Variants in CDIN1 observed in about 807,000 individuals in gnomAD.
CDIN1 encodes CDAN1 interacting nuclease 1, also known as CDAN1-interacting nuclease 1.
A neutral mutation model predicts 45.3 loss-of-function variants in CDIN1; 33 were observed. That is an observed-to-expected ratio of 0.73 (90% CI 0.55 to 0.97). The LOEUF (loss-of-function observed/expected upper bound fraction) is 0.97. Among genes scored for constraint, CDIN1 ranks in the 50% least tolerant of loss-of-function variants. CDIN1 has a pLI of 0.00. For synonymous variants in CDIN1, 118 were observed against 124.4 expected (o/e 0.95, Z 0.34); for missense variants, 303 against 339.4 (o/e 0.89, Z 0.84).
intron 1 of CDIN1, among the ~76,000 whole-genome samples, chr15:36,586,191 A>AGTT (rs2037289651): frequency 1.1e-5 from 1 of 90,810 alleles, no homozygotes; most frequent in South Asian, 3.6e-4. Context: ...TTTACCTTTG[A>AGTT]GTTTTTTTTT....
intron 10 of CDIN1, among the ~76,000 whole-genome samples, chr15:36,747,602 A>G (rs899271062): frequency 2.0e-5 from 3 of 152,230 alleles, no homozygotes; most frequent in African/African-American, 7.2e-5. Context: ...TCATGAGTGA[A>G]GAAACCAAGG....
intron 10 of CDIN1, among the ~76,000 whole-genome samples, chr15:36,711,364 C>G (rs969034861): frequency 6.6e-6 from 1 of 152,148 alleles, no homozygotes; most frequent in Non-Finnish European, 1.5e-5. Context: ...ATCCCAAATA[C>G]TAGAGCTTAC....
intron 8 of CDIN1, among the ~76,000 whole-genome samples, chr15:36,697,917 C>T (rs1411989881): frequency 6.6e-6 from 1 of 152,086 alleles, no homozygotes; most frequent in Non-Finnish European, 1.5e-5. Flanking sequence ...CAGATTATTT[C>T]TTTCAACATC....
At chr15:36,785,550 A>G (rs1309746399) in intron 10 of CDIN1, among the ~76,000 whole-genome samples, 1 of 152,204 alleles carries the variant, frequency 6.6e-6, no homozygotes, top group Non-Finnish European at 1.5e-5. Flanking sequence ...ACACATTCAC[A>G]TACACACCTT....
intron 10 of CDIN1, chr15:36,756,178 G>A (rs1054172477): frequency 4.0e-5 from 18 of 454,990 alleles, no homozygotes; most frequent in Admixed American, 1.2e-4. Flanking sequence ...TAGTTGAAGA[G>A]AACTGTAATT....
At chr15:36,741,325 C>T (rs756687466) in intron 10 of CDIN1, among the ~76,000 whole-genome samples, 2 of 152,176 alleles carry the variant, frequency 1.3e-5, no homozygotes, top group Non-Finnish European at 2.9e-5. Context: ...AACAAAACAA[C>T]TTTACCTTCC....
At chr15:36,696,198 A>T (rs1327359561) in intron 7 of CDIN1, among the ~76,000 whole-genome samples, 1 of 152,206 alleles carries the variant, frequency 6.6e-6, no homozygotes, top group Non-Finnish European at 1.5e-5. Context: ...GCACTGAAAA[A>T]ATATATATTC....
chr15:36,647,953 G>T (rs1459060230), intron 3 of CDIN1, among the ~76,000 whole-genome samples: 1 of 151,546 alleles, frequency 6.6e-6, no homozygotes, highest in South Asian at 2.1e-4. Context: ...CATTCTCCTG[G>T]CTCAGCCTCC....
chr15:36,617,374 C>A lies in CDIN1; in HGVS notation c.102-26904C>A. On this transcript the variant is annotated intron_variant, in intron 1 of 10. Coordinates refer to ENST00000566621, the MANE Select transcript of CDIN1 (RefSeq NM_001321759.2). ...ATCAACTGATGGGATGATTTTAGGA[C>A]CAGAAGATCTGAGTTACCAAATATA... The A allele has an allele frequency of 2.6e-6, 4 of 1,565,058 alleles. No individual in the cohort carries two copies. In the Middle Eastern group the frequency reaches 6.8e-4, roughly 264 times the overall value.
intron 7 of CDIN1, among the ~76,000 whole-genome samples, chr15:36,693,286 T>C (rs1026924479): frequency 6.6e-5 from 10 of 152,192 alleles, no homozygotes; most frequent in African/African-American, 2.4e-4. Context: ...CCTTTATGTA[T>C]TTCTCCTCCA....
intron 5 of CDIN1, among the ~76,000 whole-genome samples, chr15:36,690,875 C>T (rs1357566236): frequency 6.6e-6 from 1 of 152,124 alleles, no homozygotes; most frequent in East Asian, 1.9e-4. Context: ...ACTGTGGCTG[C>T]CACATGCCTA....
At chr15:36,706,114 T>C (rs1199023999) in intron 8 of CDIN1, 1 of 152,154 alleles carries the variant, frequency 6.6e-6, no homozygotes, top group African/African-American at 2.4e-5. Flanking sequence ...CTCAAACATA[T>C]GCAGTTTTAT....
At chr15:36,580,280 C>G (rs1005477140) in intron 1 of CDIN1, among the ~76,000 whole-genome samples, 4 of 152,190 alleles carry the variant, frequency 2.6e-5, no homozygotes, top group African/African-American at 7.2e-5. Context: ...GGTTAATTGA[C>G]AGATAGTAGG....
intron 10 of CDIN1, among the ~76,000 whole-genome samples, chr15:36,796,703 CTGGAGCTGGACCAG>C (rs2054812606): frequency 6.6e-6 from 1 of 152,236 alleles, no homozygotes; most frequent in Non-Finnish European, 1.5e-5. Context: ...GAACCATCCT[CTGGAGCTGGACCAG>C]TGTGCCTTTT....
intron 10 of CDIN1, among the ~76,000 whole-genome samples, chr15:36,770,391 A>G (rs1029255260): frequency 1.3e-5 from 2 of 151,512 alleles, no homozygotes; most frequent in African/African-American, 2.4e-5. Context: ...GAGAGGGAGA[A>G]TTCAATCTTA....
intron 5 of CDIN1, among the ~76,000 whole-genome samples, chr15:36,668,546 T>G (rs1217504369): frequency 6.6e-6 from 1 of 152,144 alleles, no homozygotes; most frequent in Non-Finnish European, 1.5e-5. Flanking sequence ...AATGCACAAA[T>G]GAACAAACAA....
intron 10 of CDIN1, among the ~76,000 whole-genome samples, chr15:36,790,749 C>A (rs1297099134): frequency 6.6e-6 from 1 of 152,176 alleles, no homozygotes; most frequent in Non-Finnish European, 1.5e-5. Flanking sequence ...AATATTCCAG[C>A]AAATTCCCTG....
chr15:36,746,752 C>CTTT (rs760613983), intron 10 of CDIN1, among the ~76,000 whole-genome samples: 1,315 of 74,356 alleles, frequency 0.018, 253 homozygotes, highest in African/African-American at 0.076. Flanking sequence ...GGAAACGTGT[C>CTTT]TTTTTTTTTT....
At chr15:36,701,252 A>G (rs763539142) in intron 8 of CDIN1, among the ~76,000 whole-genome samples, 22 of 152,020 alleles carry the variant, frequency 1.4e-4, no homozygotes, top group Non-Finnish European at 2.6e-4. Flanking sequence ...AAACTCCTCA[A>G]CGTTAAATTG....
Sources: gnomAD v4.1 joint callset for allele counts (sites outside exome capture counted in the v4.1 genomes callset) on GRCh38, gnomAD v4.1.1 for gene constraint, MANE v1.5 for transcripts, NCBI Gene and HGNC (gene_info 2026-07-23, HGNC 2026-07-21) for gene names.